KIAA1549L: variants seen among roughly 807,000 people sequenced by gnomAD.
The protein encoded by KIAA1549L is UPF0606 protein KIAA1549L.
In KIAA1549L, 88 loss-of-function variants were observed where a neutral mutation model predicts 160.7. The ratio of observed to expected loss-of-function variants is 0.55; its 90% CI spans 0.46 to 0.65. The LOEUF is 0.65. Among genes scored for constraint, KIAA1549L ranks in the 30% least tolerant of loss-of-function variants. KIAA1549L has a pLI of 0.00. For synonymous variants in KIAA1549L, 950 were observed against 976.7 expected (o/e 0.97, Z 0.51); for missense variants, 2,258 against 2,437.5 (o/e 0.93, Z 1.55).
chr11:33,427,902 CATA>C (rs1163309542), intron 1 of KIAA1549L, among the ~76,000 whole-genome samples: 1 of 152,184 alleles, frequency 6.6e-6, no homozygotes, highest in Non-Finnish European at 1.5e-5. Flanking sequence ...ATTCATTTAG[CATA>C]ATGTTTGCAA....
chr11:33,512,616 T>G (rs972788483), intron 1 of KIAA1549L, among the ~76,000 whole-genome samples: 1 of 151,894 alleles, frequency 6.6e-6, no homozygotes, highest in Non-Finnish European at 1.5e-5. Flanking sequence ...AGAGATGGGG[T>G]TTTCCATGTT....
At chr11:33,657,970 G>C (rs1363434799) in intron 18 of KIAA1549L, among the ~76,000 whole-genome samples, 7 of 152,138 alleles carry the variant, frequency 4.6e-5, no homozygotes, top group Non-Finnish European at 1.0e-4. Context: ...TCTCCCATTG[G>C]GCTAATTTTA....
intron 6 of KIAA1549L, among the ~76,000 whole-genome samples, chr11:33,555,179 A>T (rs1376417303): frequency 7.1e-6 from 1 of 140,222 alleles, no homozygotes; most frequent in Non-Finnish European, 1.6e-5. Context: ...AGACAAATAA[A>T]TGGAAAGACT....
At chr11:33,499,831 A>G (rs891283343) in intron 1 of KIAA1549L, among the ~76,000 whole-genome samples, 1 of 152,220 alleles carries the variant, frequency 6.6e-6, no homozygotes, top group Non-Finnish European at 1.5e-5. Flanking sequence ...TGGTAGTGAT[A>G]GTGGGTAGAG....
chr11:33,660,313 C>G (rs1044489752), intron 19 of KIAA1549L, among the ~76,000 whole-genome samples: 1 of 152,170 alleles, frequency 6.6e-6, no homozygotes, highest in East Asian at 1.9e-4. Context: ...CGCGGTGGCT[C>G]ATGTCTGTAA....
intron 1 of KIAA1549L, among the ~76,000 whole-genome samples, chr11:33,533,224 G>A (rs947909269): frequency 2.0e-5 from 3 of 152,170 alleles, no homozygotes; most frequent in Non-Finnish European, 2.9e-5. Context: ...ATCACAGCCC[G>A]GGTCTGAGTC....
chr11:33,629,427 A>G (rs1171130413), intron 16 of KIAA1549L, among the ~76,000 whole-genome samples: 6 of 152,184 alleles, frequency 3.9e-5, no homozygotes, highest in South Asian at 4.1e-4. Flanking sequence ...AGGTACACCA[A>G]TCAGACGTAC....
intron 1 of KIAA1549L, among the ~76,000 whole-genome samples, chr11:33,477,507 G>GCACGCGCACACACACACA (rs374982374): frequency 1.7e-4 from 22 of 131,738 alleles, no homozygotes; most frequent in African/African-American, 7.3e-4. Context: ...GCAGGTGCAC[G>GCACGCGCACACACACACA]CACACACACA....
At position 33,606,654 on chromosome 11, in the gene KIAA1549L, C is replaced by T. The variant is rs769676468; in HGVS notation, c.4893C>T (p.Asp1631=). 1.2e-5 allele frequency: 19 copies of T among 1,613,694 alleles called. No homozygotes were observed. The highest frequency in any genetic ancestry group is 6.7e-5 in the Admixed American group (4 of 59,980). ...EARKRNVPAS[D]EEEGAVLFDN... The stretch of plus-strand genomic sequence containing the variant: ...GTTGTGCTTCAGTGCCAGCGAGTGA[C>T]GAAGAGGAGGGAGCGGTTCTATTTG... The change falls in exon 14 of 21, where the codon GAC becomes GAT. Residue 1631 remains aspartate, a synonymous_variant. Transcript: ENST00000658780.
At chr11:33,487,031 C>A (rs542596752) in intron 1 of KIAA1549L, among the ~76,000 whole-genome samples, 2 of 152,158 alleles carry the variant, frequency 1.3e-5, no homozygotes, top group Non-Finnish European at 2.9e-5. Flanking sequence ...TTATGTGGAT[C>A]TCCATAGCAA....
chr11:33,660,452 T>C (rs1984866), intron 19 of KIAA1549L, among the ~76,000 whole-genome samples: 58,290 of 151,790 alleles, frequency 0.38, 11,403 homozygotes, highest in East Asian at 0.52. Flanking sequence ...GTAGTTCCAG[T>C]TACTCAGGAG....
intron 1 of KIAA1549L, among the ~76,000 whole-genome samples, chr11:33,440,410 G>A (rs965377965): frequency 1.3e-5 from 2 of 151,954 alleles, no homozygotes; most frequent in African/African-American, 4.8e-5. Context: ...GATTACAGGC[G>A]TGAGCCACCG....
chr11:33,519,036 G>A (rs921378827), intron 1 of KIAA1549L, among the ~76,000 whole-genome samples: 8 of 152,284 alleles, frequency 5.3e-5, no homozygotes, highest in Non-Finnish European at 8.8e-5. Flanking sequence ...TGCTCAACCT[G>A]TACTCATTTT....
At chr11:33,401,868 C>T (rs762398161) in intron 1 of KIAA1549L, among the ~76,000 whole-genome samples, 2 of 152,204 alleles carry the variant, frequency 1.3e-5, no homozygotes, top group African/African-American at 2.4e-5. Flanking sequence ...CAACTTCATG[C>T]CACAAGCCAA....
In KIAA1549L at chr11:33,634,645, T is replaced by C. The variant is rs187206391; in HGVS notation, c.5410-11041T>C. 6.2e-4 allele frequency among the ~76,000 whole-genome samples: 95 copies of C among 152,216 alleles called. 2 individuals carry two copies. The highest frequency in any genetic ancestry group is 2.2e-3 in the African/African-American group (92 of 41,548). On this transcript the variant is annotated intron_variant, in intron 16 of 20. Transcript: ENST00000658780. The stretch of plus-strand genomic sequence containing the variant: ...TAAGACTTCTGTTACACGGGGAAGA[T>C]GTTTTGCTTTAGGGGCAGTGAGTAA...
chr11:33,606,989 C>T (rs1469872168), intron 14 of KIAA1549L, among the ~76,000 whole-genome samples, 167 bp downstream of exon 14: 1 of 152,182 alleles, frequency 6.6e-6, no homozygotes, highest in Non-Finnish European at 1.5e-5. Context: ...GGACACAAGT[C>T]ACCCAAAAAG....
intron 1 of KIAA1549L, among the ~76,000 whole-genome samples, chr11:33,452,678 A>T (rs1851745763): frequency 6.6e-6 from 1 of 151,976 alleles, no homozygotes; most frequent in African/African-American, 2.4e-5. Flanking sequence ...CCAACCTAAT[A>T]CCTTTCTGCC....
intron 1 of KIAA1549L, among the ~76,000 whole-genome samples, chr11:33,527,990 G>A (rs547805293): frequency 1.3e-5 from 2 of 152,088 alleles, no homozygotes; most frequent in Non-Finnish European, 1.5e-5. Context: ...TAAGTCTCAC[G>A]AAATCTGATG....
chr11:33,636,223 C>T (rs1851433175), intron 16 of KIAA1549L, among the ~76,000 whole-genome samples: 1 of 151,908 alleles, frequency 6.6e-6, no homozygotes. Flanking sequence ...AGTGGTAACG[C>T]AATTTGGTTA....
Sources: gnomAD v4.1 joint callset for allele counts (sites outside exome capture counted in the v4.1 genomes callset) on GRCh38, gnomAD v4.1.1 for gene constraint, MANE v1.5 for transcripts, NCBI Gene and HGNC (gene_info 2026-07-23, HGNC 2026-07-21) for gene names.